ZFAT: variants seen among roughly 807,000 people sequenced by gnomAD.
ZFAT encodes zinc finger protein ZFAT.
In ZFAT, 64 loss-of-function variants were observed where a neutral mutation model predicts 117.7. The observed-to-expected ratio is 0.54, with a 90% CI of 0.44 to 0.67. The LOEUF (loss-of-function observed/expected upper bound fraction) is 0.67, where lower values mean the gene tolerates loss of function less well. ZFAT is among the 30% of genes least tolerant of loss of function. The pLI is 0.00. For synonymous variants in ZFAT, 679 were observed against 615.0 expected, an observed-to-expected ratio of 1.10 and a Z score of -1.54; for missense variants, 1,433 against 1,584.5, an observed-to-expected ratio of 0.90 and a Z score of 1.62.
At chr8:134,655,509 G>A (rs1444020150) in intron 2 of ZFAT, among the ~76,000 whole-genome samples, 1 of 152,078 alleles carries the variant, frequency 6.6e-6, no homozygotes, top group East Asian at 1.9e-4. Flanking sequence ...TTAGGTGGGT[G>A]TGGTGGCGGG....
At chr8:134,486,307 A>G (rs975993036) in intron 15 of ZFAT, among the ~76,000 whole-genome samples, 1 of 152,124 alleles carries the variant, frequency 6.6e-6, no homozygotes, top group Non-Finnish European at 1.5e-5. Flanking sequence ...CACTTCGGGA[A>G]TTCCAGCTGG....
chr8:134,632,909 AAT>A (rs751261119), intron 3 of ZFAT, among the ~76,000 whole-genome samples: 13 of 152,256 alleles, frequency 8.5e-5, no homozygotes, highest in Non-Finnish European at 1.8e-4. Context: ...AGGGGCAACA[AAT>A]TAAAACAATT....
intron 1 of ZFAT, among the ~76,000 whole-genome samples, chr8:134,684,121 A>G (rs1416989524): frequency 6.6e-6 from 1 of 152,070 alleles, no homozygotes; most frequent in Non-Finnish European, 1.5e-5. Context: ...AGACACACAG[A>G]CCACGAGAAA....
the ZFAT span, among the ~76,000 whole-genome samples, chr8:134,772,433 A>G: frequency 6.6e-6 from 1 of 152,212 alleles, no homozygotes. Flanking sequence ...AGATCAAACC[A>G]ACCACAATAT....
chr8:134,728,995 A>G, the ZFAT span, among the ~76,000 whole-genome samples: 1 of 152,164 alleles, frequency 6.6e-6, no homozygotes, highest in Non-Finnish European at 1.5e-5. Context: ...GCAATATACT[A>G]TACACTAATT....
chr8:134,683,283 G>A (rs964619824), intron 1 of ZFAT, among the ~76,000 whole-genome samples: 3 of 152,162 alleles, frequency 2.0e-5, no homozygotes, highest in South Asian at 4.1e-4. Flanking sequence ...ATTATCCCAC[G>A]TTACAGATGA....
chr8:134,759,374 C>G, the ZFAT span, among the ~76,000 whole-genome samples: 2 of 152,202 alleles, frequency 1.3e-5, no homozygotes, highest in African/African-American at 4.8e-5. Flanking sequence ...CATGAATAGG[C>G]AGCTACCTTG....
At chr8:134,689,178 C>G (rs1490586486) in intron 1 of ZFAT, among the ~76,000 whole-genome samples, 2 of 152,188 alleles carry the variant, frequency 1.3e-5, no homozygotes, top group African/African-American at 4.8e-5. Context: ...ATGGCAACAC[C>G]CAAAAGTTAC....
chr8:134,492,183 A>T (rs918841988), intron 15 of ZFAT, among the ~76,000 whole-genome samples: 14 of 152,080 alleles, frequency 9.2e-5, no homozygotes, highest in African/African-American at 3.4e-4. Context: ...CCTCCTAGGA[A>T]GAGCTGCCCT....
chr8:134,600,166 A>G (rs1827293054), intron 7 of ZFAT: 1 of 505,018 alleles, frequency 2.0e-6, no homozygotes, highest in Non-Finnish European at 3.5e-6. Flanking sequence ...TCTACTCTAT[A>G]GATATCTCTT....
rs759318587 is a variant in ZFAT, at chr8:134,590,320, CTT to C, written c.2509_2510del (p.Lys837ValfsTer18). On this transcript the variant is annotated frameshift_variant, in exon 8 of 16. Transcript: ENST00000377838. LOFTEE classifies it high-confidence loss of function. ...KRSYSCPVCEKSFSEDRLIKS... is the reference protein window; with the variant it reads ...KRSYSCPVCEXSFSEDRLIKS... ...TTATCAATCGATCCTCTGAAAAAGACTTTTCACAAACAGGACAAGAATAACTC... is the reference window on the plus strand; with the variant it reads ...TTATCAATCGATCCTCTGAAAAAGACTTCACAAACAGGACAAGAATAACTC... 3 of 1,613,342 alleles carry C rather than the reference CTT, an allele frequency of 1.9e-6. No homozygotes were observed. Among genetic ancestry groups the C allele is most frequent in the Non-Finnish European group, 1.7e-6 (2 of 1,179,370 alleles).
rs111673624 is a variant in ZFAT, at chr8:134,548,572, T to C, written c.2977-15600A>G. Among the ~76,000 whole-genome samples, 8 of 152,314 alleles carry C rather than the reference T, an allele frequency of 5.3e-5. 1 individual carries two copies. Among genetic ancestry groups the C allele is most frequent in the African/African-American group, 1.9e-4 (8 of 41,564 alleles). On this transcript the variant is annotated intron_variant, in intron 11 of 15. Coordinates refer to ENST00000377838, the MANE Select transcript of ZFAT (RefSeq NM_020863.4). ...AATATACATGGGGTTCATTATACTA[T>C]TTTCTCTACTTCTGGGTTCTCTGAT...
At chr8:134,659,330 C>T (rs1831813804) in intron 1 of ZFAT, among the ~76,000 whole-genome samples, 1 of 152,148 alleles carries the variant, frequency 6.6e-6, no homozygotes, top group African/African-American at 2.4e-5. Flanking sequence ...TGAAGGTGGG[C>T]ATAGTGAGGG....
At chr8:134,497,362 GA>G (rs1488653523) in intron 15 of ZFAT, among the ~76,000 whole-genome samples, 1 of 152,250 alleles carries the variant, frequency 6.6e-6, no homozygotes, top group Admixed American at 6.5e-5. Flanking sequence ...TGACAGCTGA[GA>G]ACAGGCTTCT....
chr8:134,783,436 G>C, the ZFAT span, among the ~76,000 whole-genome samples: 1 of 152,236 alleles, frequency 6.6e-6, no homozygotes, highest in South Asian at 2.1e-4. Flanking sequence ...AACGCCTGAT[G>C]ATCTGAGGTG....
chr8:134,635,763 G>A (rs1016027946), intron 3 of ZFAT, among the ~76,000 whole-genome samples: 1 of 152,076 alleles, frequency 6.6e-6, no homozygotes, highest in African/African-American at 2.4e-5. Context: ...TCAGAGCTTC[G>A]GGTTCAGGGG....
the ZFAT span, chr8:134,766,667 A>G: frequency 6.6e-6 from 1 of 152,250 alleles, no homozygotes; most frequent in Non-Finnish European, 1.5e-5. Context: ...AACTACTTTT[A>G]TAGAACTTGC....
chr8:134,752,687 C>A, the ZFAT span, among the ~76,000 whole-genome samples: 1 of 152,126 alleles, frequency 6.6e-6, no homozygotes, highest in Non-Finnish European at 1.5e-5. Flanking sequence ...AAGGTACTGG[C>A]AGGTTTGATG....
At chr8:134,830,864 G>GT in the ZFAT span, among the ~76,000 whole-genome samples, 1 of 152,198 alleles carries the variant, frequency 6.6e-6, no homozygotes. Flanking sequence ...TTAGTGGAGA[G>GT]TTTAACTATG....
Sources: gnomAD v4.1 joint callset for allele counts (sites outside exome capture counted in the v4.1 genomes callset) on GRCh38, gnomAD v4.1.1 for gene constraint, MANE v1.5 for transcripts, NCBI Gene and HGNC (gene_info 2026-07-23, HGNC 2026-07-21) for gene names.